The following WDR41 variants were observed in gnomAD, a reference collection of about 807,000 sequenced individuals.
The protein encoded by WDR41 is WD repeat-containing protein 41.
A neutral mutation model predicts 69.3 loss-of-function variants in WDR41; 63 were observed. The ratio of observed to expected loss-of-function variants is 0.91; its 90% CI spans 0.74 to 1.12. The LOEUF (loss-of-function observed/expected upper bound fraction) is 1.12, where lower values mean the gene tolerates loss of function less well. Among genes scored for constraint, WDR41 ranks in the 50% most tolerant of loss-of-function variants. The probability of loss-of-function intolerance (pLI) is 0.00; values close to 1 mark genes in which losing one functional copy is unlikely to be tolerated. For missense variants in WDR41, 543 were observed against 534.5 expected (o/e 1.02, Z -0.16); for synonymous variants, 185 against 192.1 (o/e 0.96, Z 0.31).
At chr5:77,436,739 G>C (rs1358702975) in intron 11 of WDR41, among the ~76,000 whole-genome samples, 1 of 152,100 alleles carries the variant, frequency 6.6e-6, no homozygotes, top group Non-Finnish European at 1.5e-5. Context: ...CAAGGCATAG[G>C]GGAAAAGCTG....
chr5:77,537,391 C>T (rs1366943793), intron 1 of WDR41, among the ~76,000 whole-genome samples: 1 of 152,018 alleles, frequency 6.6e-6, no homozygotes, highest in East Asian at 1.9e-4. Flanking sequence ...GTCAGGAGGC[C>T]GAAGAGGAAG....
At chr5:77,484,344 CA>C (rs564735302) in intron 2 of WDR41, among the ~76,000 whole-genome samples, 1 of 152,250 alleles carries the variant, frequency 6.6e-6, no homozygotes, top group Non-Finnish European at 1.5e-5. Context: ...TGATTCAGGG[CA>C]CGATGCAAAA....
intron 2 of WDR41, among the ~76,000 whole-genome samples, chr5:77,465,277 T>A (rs1365926140): frequency 6.6e-6 from 1 of 152,174 alleles, no homozygotes; most frequent in East Asian, 1.9e-4. Flanking sequence ...TCTTTCCACA[T>A]AAATGCTTTG....
At chr5:77,508,739 T>A (rs1226230396) in intron 1 of WDR41, among the ~76,000 whole-genome samples, 1 of 152,150 alleles carries the variant, frequency 6.6e-6, no homozygotes, top group African/African-American at 2.4e-5. Context: ...AGCTTGTTTT[T>A]GTTGTTGTTT....
intron 1 of WDR41, among the ~76,000 whole-genome samples, chr5:77,537,170 A>G (rs1290770768): frequency 6.6e-6 from 1 of 152,176 alleles, no homozygotes; most frequent in African/African-American, 2.4e-5. Flanking sequence ...TTTCCCTCCT[A>G]TCTTTCTGCT....
At chr5:77,597,603 C>T (rs148293270) in intron 1 of WDR41, among the ~76,000 whole-genome samples, 1 of 152,144 alleles carries the variant, frequency 6.6e-6, no homozygotes, top group Non-Finnish European at 1.5e-5. Flanking sequence ...ATATCATATA[C>T]CTCTTTACGT....
chr5:77,584,761 G>A (rs1193935998), intron 1 of WDR41, among the ~76,000 whole-genome samples: 1 of 152,144 alleles, frequency 6.6e-6, no homozygotes, highest in Non-Finnish European at 1.5e-5. Context: ...GGGATAATTG[G>A]CAAGCCACAT....
chr5:77,484,607 G>C (rs1801429171), intron 2 of WDR41, among the ~76,000 whole-genome samples: 1 of 152,136 alleles, frequency 6.6e-6, no homozygotes, highest in Non-Finnish European at 1.5e-5. Context: ...TACGTTAATA[G>C]CTCTAAAAAT....
At chr5:77,603,438 T>C (rs750408296) in intron 1 of WDR41, among the ~76,000 whole-genome samples, 8 of 152,220 alleles carry the variant, frequency 5.3e-5, no homozygotes, top group Non-Finnish European at 1.2e-4. Context: ...TTTTTACTAT[T>C]GAGCTGTTTG....
At chr5:77,589,109 T>G (rs866972437) in intron 1 of WDR41, among the ~76,000 whole-genome samples, 2 of 152,172 alleles carry the variant, frequency 1.3e-5, no homozygotes, top group Non-Finnish European at 2.9e-5. Context: ...GCAATTCAAA[T>G]TTTTCAATGC....
At chr5:77,561,055 A>T (rs974205182) in intron 1 of WDR41, among the ~76,000 whole-genome samples, 4 of 152,182 alleles carry the variant, frequency 2.6e-5, no homozygotes, top group South Asian at 2.1e-4. Flanking sequence ...GATGTTGACA[A>T]GTATTTCATT....
At chr5:77,576,325 C>G (rs562741792) in intron 1 of WDR41, among the ~76,000 whole-genome samples, 8 of 152,172 alleles carry the variant, frequency 5.3e-5, no homozygotes, top group South Asian at 2.1e-4. Context: ...GACACCCCTT[C>G]TAACTATTGT....
At chr5:77,586,282 GTATT>G (rs199821333) in intron 1 of WDR41, among the ~76,000 whole-genome samples, 52 of 148,534 alleles carry the variant, frequency 3.5e-4, no homozygotes, top group East Asian at 2.0e-4. Context: ...TTTATATTTT[GTATT>G]TATTTATTTA....
chr5:77,483,976 G>A (rs1271385010), intron 2 of WDR41, among the ~76,000 whole-genome samples: 1 of 152,162 alleles, frequency 6.6e-6, no homozygotes, highest in African/African-American at 2.4e-5. Context: ...ACATTTGAAA[G>A]ATGTTCAAGA....
upstream of WDR41, among the ~76,000 whole-genome samples, chr5:77,493,550 T>G (rs1274778056): frequency 6.6e-6 from 1 of 152,168 alleles, no homozygotes; most frequent in East Asian, 1.9e-4. Flanking sequence ...CTCCTATAAT[T>G]CATCTTTGTA....
chr5:77,529,484 A>AAAACCCC (rs1802495834), intron 1 of WDR41, among the ~76,000 whole-genome samples: 1 of 151,640 alleles, frequency 6.6e-6, no homozygotes, highest in African/African-American at 2.4e-5. Flanking sequence ...AACCACAATC[A>AAAACCCC]AAACCCCAAA....
intron 9 of WDR41, among the ~76,000 whole-genome samples, chr5:77,440,514 G>T (rs893319005): frequency 1.3e-5 from 2 of 152,088 alleles, no homozygotes; most frequent in Non-Finnish European, 2.9e-5. Flanking sequence ...TTTTCACAGT[G>T]TTTCTTAAAA....
At chr5:77,524,120 C>T (rs544630228) in intron 1 of WDR41, among the ~76,000 whole-genome samples, 24 of 152,228 alleles carry the variant, frequency 1.6e-4, no homozygotes, top group African/African-American at 5.8e-4. Context: ...CAAGTTAGTC[C>T]TAAAGAAAAT....
chr5:77,445,257 A>C (rs1004941343), intron 8 of WDR41, among the ~76,000 whole-genome samples: 7 of 152,202 alleles, frequency 4.6e-5, no homozygotes, highest in African/African-American at 1.7e-4. Context: ...ATAGACCAAT[A>C]ACAAGTTCTG....
Sources: allele counts gnomAD v4.1 joint callset (sites outside exome capture counted in the v4.1 genomes callset), GRCh38; gene constraint gnomAD v4.1.1; transcripts MANE v1.5; gene names NCBI Gene and HGNC (gene_info 2026-07-23, HGNC 2026-07-21).